Variants in KLF8 observed in about 807,000 individuals in gnomAD.
KLF8 encodes the protein KLF transcription factor 8.
KLF8 carries 10 observed loss-of-function variants against 18.2 expected under a neutral mutation model. That is an observed-to-expected ratio of 0.55 (90% CI 0.34 to 0.93). The LOEUF (loss-of-function observed/expected upper bound fraction) is 0.93. Among genes scored for constraint, KLF8 ranks in the 40% least tolerant of loss-of-function variants. The pLI is 0.02. For missense variants in KLF8, 264 were observed against 277.9 expected (o/e 0.95, Z 0.36); for synonymous variants, 109 against 97.3 (o/e 1.12, Z -0.71).
At chrX:56,107,843 C>T in the KLF8 span, among the ~76,000 whole-genome samples, 10 of 111,775 alleles carry the variant, frequency 8.9e-5, no homozygotes, top group South Asian at 3.4e-3. Context: ...TGATCCTATT[C>T]GGCCATCTTA....
the KLF8 span, among the ~76,000 whole-genome samples, chrX:56,098,043 T>A: frequency 1.8e-5 from 2 of 111,195 alleles, no homozygotes; most frequent in Non-Finnish European, 3.8e-5. Flanking sequence ...ATTAATGCTC[T>A]CCCTAGGAGG....
At chrX:56,098,812 C>T in the KLF8 span, among the ~76,000 whole-genome samples, 3 of 111,462 alleles carry the variant, frequency 2.7e-5, no homozygotes, top group Admixed American at 2.9e-4. Context: ...TTGCAGATGA[C>T]ATGATTTTAT....
the KLF8 span, among the ~76,000 whole-genome samples, chrX:55,939,126 T>A: frequency 1.8e-5 from 2 of 111,572 alleles, no homozygotes; most frequent in Admixed American, 1.9e-4. Flanking sequence ...TGGTTGGAAG[T>A]AAAGCTCTCC....
At chrX:56,007,396 G>A in the KLF8 span, among the ~76,000 whole-genome samples, 3 of 111,396 alleles carry the variant, frequency 2.7e-5, no homozygotes, top group Non-Finnish European at 5.7e-5. Context: ...TAATGCCAGG[G>A]TGTAGGCTTT....
chrX:56,147,199 G>A, the KLF8 span, among the ~76,000 whole-genome samples: 1 of 112,398 alleles, frequency 8.9e-6, no homozygotes, highest in African/African-American at 3.2e-5. Flanking sequence ...GGCAGGATTT[G>A]AAGAGAAGGA....
At chrX:56,270,054 G>C (rs1361529496) in intron 4 of KLF8, 128 bp from the exon 5 acceptor site, 1 of 629,503 alleles carries the variant, frequency 1.6e-6, no homozygotes, top group Non-Finnish European at 2.4e-6. Flanking sequence ...ATTTCTTTTT[G>C]GGGGGACCTA....
At chrX:55,998,134 C>T in the KLF8 span, among the ~76,000 whole-genome samples, 1 of 112,448 alleles carries the variant, frequency 8.9e-6, no homozygotes, top group Non-Finnish European at 1.9e-5. Flanking sequence ...GTATTGCTGC[C>T]CACATGTCCC....
At chrX:56,158,846 A>G in the KLF8 span, among the ~76,000 whole-genome samples, 1 of 111,608 alleles carries the variant, frequency 9.0e-6, no homozygotes, top group Non-Finnish European at 1.9e-5. Flanking sequence ...GGACAATTTG[A>G]CTTCCTCTTT....
chrX:55,933,474 T>C, the KLF8 span, among the ~76,000 whole-genome samples: 8 of 112,393 alleles, frequency 7.1e-5, no homozygotes, highest in Admixed American at 1.9e-4. Flanking sequence ...ATTCCTGTTA[T>C]ATTATTTAAA....
the KLF8 span, among the ~76,000 whole-genome samples, chrX:56,057,326 G>C: frequency 9.0e-6 from 1 of 111,248 alleles, no homozygotes; most frequent in Non-Finnish European, 1.9e-5. Flanking sequence ...TGACTGCAAT[G>C]GTGGTTTGTG....
At chrX:56,069,664 A>G in the KLF8 span, among the ~76,000 whole-genome samples, 5 of 111,495 alleles carry the variant, frequency 4.5e-5, no homozygotes, top group Non-Finnish European at 9.4e-5. Flanking sequence ...CCCAGATGCC[A>G]GAGCAGTCAA....
the KLF8 span, among the ~76,000 whole-genome samples, chrX:56,007,347 C>T: frequency 2.7e-5 from 3 of 110,832 alleles, no homozygotes; most frequent in Non-Finnish European, 5.7e-5. Context: ...GCTTGGGTCC[C>T]AGAGTTGTAT....
the KLF8 span, among the ~76,000 whole-genome samples, chrX:56,100,198 C>A: frequency 5.4e-5 from 6 of 110,930 alleles, no homozygotes; most frequent in African/African-American, 1.6e-4. Context: ...TCTGCTTGTG[C>A]CCTATAAAAG....
At chrX:55,915,988 G>T in the KLF8 span, among the ~76,000 whole-genome samples, 1 of 111,627 alleles carries the variant, frequency 9.0e-6, no homozygotes, top group East Asian at 2.8e-4. Context: ...GCAAGAGATA[G>T]CTCCCTCATC....
At chrX:55,960,873 A>G in the KLF8 span, among the ~76,000 whole-genome samples, 3 of 111,702 alleles carry the variant, frequency 2.7e-5, no homozygotes, top group East Asian at 8.5e-4. Flanking sequence ...TTAATGCCCA[A>G]CTTAAAAGGC....
the KLF8 span, among the ~76,000 whole-genome samples, chrX:55,933,236 C>T: frequency 1.8e-5 from 2 of 111,380 alleles, no homozygotes; most frequent in East Asian, 5.6e-4. Context: ...TTTATCTTTT[C>T]CCATATGACT....
At chrX:56,149,133 T>C in the KLF8 span, among the ~76,000 whole-genome samples, 3 of 111,894 alleles carry the variant, frequency 2.7e-5, no homozygotes, top group Admixed American at 9.6e-5. Context: ...TGTTGAGTCC[T>C]AGAACTAGAG....
At chrX:55,936,033 G>C in the KLF8 span, among the ~76,000 whole-genome samples, 2 of 112,108 alleles carry the variant, frequency 1.8e-5, no homozygotes, top group Non-Finnish European at 3.8e-5. Context: ...AGAATTAGCT[G>C]CATGGATTTT....
chrX:56,086,861 C>T, the KLF8 span, among the ~76,000 whole-genome samples: 1 of 111,299 alleles, frequency 9.0e-6, no homozygotes, highest in Admixed American at 9.6e-5. Flanking sequence ...ATTCCCAAAA[C>T]TCAAACCTAA....
Sources: gnomAD v4.1 joint callset for allele counts (sites outside exome capture counted in the v4.1 genomes callset) on GRCh38, gnomAD v4.1.1 for gene constraint, MANE v1.5 for transcripts, NCBI Gene and HGNC (gene_info 2026-07-23, HGNC 2026-07-21) for gene names.